Variants in DPH6 observed in about 807,000 individuals in gnomAD.
DPH6 encodes the protein diphthine--ammonia ligase.
A neutral mutation model predicts 38.2 loss-of-function variants in DPH6; 33 were observed. The ratio of observed to expected loss-of-function variants is 0.86; its 90% confidence interval spans 0.65 to 1.15. The LOEUF (loss-of-function observed/expected upper bound fraction) is 1.15. DPH6 is among the 50% of genes most tolerant of loss of function. DPH6 has a pLI of 0.00. For missense variants in DPH6, 325 were observed against 320.0 expected (o/e 1.02, Z -0.12); for synonymous variants, 108 against 103.0 (o/e 1.05, Z -0.30).
At chr15:35,535,194 C>A (rs57037435) in intron 3 of DPH6, among the ~76,000 whole-genome samples, 33,174 of 151,970 alleles carry the variant, frequency 0.22, 5,914 homozygotes, top group African/African-American at 0.5. Context: ...AAAGACACAT[C>A]ATAAAAGTTA....
chr15:35,338,020 A>G (rs1275114323), intron 3 of DPH6, among the ~76,000 whole-genome samples: 1 of 151,992 alleles, frequency 6.6e-6, no homozygotes, highest in East Asian at 1.9e-4. Context: ...CACCTTATAC[A>G]AAAATTAATT....
chr15:35,189,514 C>G, the DPH6 span, among the ~76,000 whole-genome samples: 24 of 152,314 alleles, frequency 1.6e-4, no homozygotes, highest in Admixed American at 5.2e-4. Context: ...CCTGGAAAAT[C>G]CAAACCTGGA....
chr15:35,486,153 C>A (rs1477716429), intron 3 of DPH6, among the ~76,000 whole-genome samples: 3 of 151,456 alleles, frequency 2.0e-5, no homozygotes, highest in Non-Finnish European at 4.4e-5. Context: ...GAGAAGCAGG[C>A]AGGATGGAAT....
At chr15:35,281,756 C>T (rs1030133681) in intron 3 of DPH6, among the ~76,000 whole-genome samples, 11 of 152,116 alleles carry the variant, frequency 7.2e-5, no homozygotes, top group Admixed American at 7.2e-4. Context: ...TCTCTGAGGG[C>T]CAATACAGCT....
intron 3 of DPH6, chr15:35,520,240 A>AG: frequency 4.9e-6 from 4 of 820,592 alleles, no homozygotes; most frequent in Non-Finnish European, 5.9e-6. Context: ...CAAAAAAAAA[A>AG]CAAAAGAAGA....
intron 3 of DPH6, among the ~76,000 whole-genome samples, chr15:35,499,354 G>A (rs1240650364): frequency 2.0e-5 from 3 of 152,066 alleles, no homozygotes; most frequent in Non-Finnish European, 4.4e-5. Context: ...TGATGATTAT[G>A]AGAGTTAATT....
intron 5 of DPH6, among the ~76,000 whole-genome samples, chr15:35,445,525 A>G (rs561138539): frequency 6.6e-6 from 1 of 152,216 alleles, no homozygotes; most frequent in African/African-American, 2.4e-5. Context: ...ATGTGTGACA[A>G]TTTGAAAAAA....
At chr15:35,313,013 A>AG (rs1261848325) in intron 3 of DPH6, among the ~76,000 whole-genome samples, 1 of 152,112 alleles carries the variant, frequency 6.6e-6, no homozygotes, top group Non-Finnish European at 1.5e-5. Flanking sequence ...GGATCACTTG[A>AG]GGTCAGGAGT....
chr15:35,472,904 T>TAAA (rs374089826), intron 3 of DPH6, among the ~76,000 whole-genome samples: 5 of 135,156 alleles, frequency 3.7e-5, no homozygotes, highest in Admixed American at 2.3e-4. Context: ...AAGATGTAGT[T>TAAA]AAAAAAAAAA....
intron 3 of DPH6, among the ~76,000 whole-genome samples, chr15:35,526,158 T>C (rs764363293): frequency 6.6e-6 from 1 of 152,206 alleles, no homozygotes; most frequent in Admixed American, 6.5e-5. Flanking sequence ...ATTTATCAAA[T>C]GATCATTGTT....
intron 5 of DPH6, among the ~76,000 whole-genome samples, chr15:35,444,992 AAAAT>A (rs1227717563): frequency 6.6e-6 from 1 of 152,212 alleles, no homozygotes; most frequent in African/African-American, 2.4e-5. Context: ...ACAATTTAGA[AAAAT>A]AGTTTGCACA....
intron 6 of DPH6, chr15:35,396,338 C>G (rs963248671): frequency 6.6e-6 from 1 of 151,282 alleles, no homozygotes; most frequent in African/African-American, 2.4e-5. Context: ...TAACCAAGCC[C>G]CATTCGACCT....
At chr15:35,399,799 A>G (rs577028301) in intron 6 of DPH6, among the ~76,000 whole-genome samples, 2 of 152,250 alleles carry the variant, frequency 1.3e-5, no homozygotes, top group African/African-American at 4.8e-5. Flanking sequence ...TACAGAATCC[A>G]TCAAATGTGA....
chr15:35,404,603 C>G (rs778181526), intron 6 of DPH6, among the ~76,000 whole-genome samples: 2 of 152,044 alleles, frequency 1.3e-5, no homozygotes, highest in African/African-American at 2.4e-5. Flanking sequence ...GTTGTATAAG[C>G]TCCTTCTATA....
At chr15:35,428,891 T>C (rs16960919) in intron 5 of DPH6, among the ~76,000 whole-genome samples, 51,113 of 151,958 alleles carry the variant, frequency 0.34, 10,156 homozygotes, top group African/African-American at 0.56. Context: ...TATGCAATCT[T>C]TCCCTTTTAC....
intron 3 of DPH6, among the ~76,000 whole-genome samples, chr15:35,224,627 G>A (rs1259657384): frequency 6.6e-6 from 1 of 152,180 alleles, no homozygotes; most frequent in Non-Finnish European, 1.5e-5. Flanking sequence ...AATATATTCA[G>A]TTTTGTATAA....
At position 35,236,454 on chromosome 15, in the gene DPH6, C is replaced by A. The variant is rs537892695; in HGVS notation, n.201-15872G>T. On this transcript the variant is annotated intron_variant and non_coding_transcript_variant, in intron 3 of 3. Transcript: ENST00000560386. ...GAGATCGAGACCATCCGGGCTAACA[C>A]GGTGAAACCCCGTCTCTACTAAAAA... Among the ~76,000 whole-genome samples the A allele has an allele frequency of 1.8e-3, 266 of 151,986 alleles. 4 individuals are homozygous for A. The highest frequency in any genetic ancestry group is 2.4e-4 in the Non-Finnish European group (16 of 67,978).
intron 3 of DPH6, chr15:35,237,823 C>A: frequency 6.4e-7 from 1 of 1,565,920 alleles, no homozygotes; most frequent in Non-Finnish European, 8.8e-7. Flanking sequence ...ACGTGGAGGG[C>A]CTGGAGGAGG....
intron 3 of DPH6, chr15:35,299,007 G>A: frequency 1.4e-6 from 1 of 739,422 alleles, no homozygotes. Context: ...TGAACTCCTT[G>A]AAAACTCACG....
Sources: allele counts gnomAD v4.1 joint callset (sites outside exome capture counted in the v4.1 genomes callset), GRCh38; gene constraint gnomAD v4.1.1; transcripts MANE v1.5; gene names NCBI Gene and HGNC (gene_info 2026-07-23, HGNC 2026-07-21).